Variants in BABAM2 observed in about 807,000 individuals in gnomAD.
BABAM2 encodes BRISC and BRCA1-A complex member 2.
A neutral mutation model predicts 54.7 loss-of-function variants in BABAM2; 31 were observed. The ratio of observed to expected loss-of-function variants is 0.57; its 90% CI spans 0.43 to 0.77. BABAM2 has a LOEUF of 0.77. BABAM2 is among the 30% of genes least tolerant of loss of function. The pLI is 0.00. For missense variants in BABAM2, 364 were observed against 455.8 expected (o/e 0.80, Z 1.83); for synonymous variants, 167 against 162.9 (o/e 1.03, Z -0.19).
chr2:28,284,175 C>G (rs1344038379), intron 10 of BABAM2, among the ~76,000 whole-genome samples: 2 of 152,156 alleles, frequency 1.3e-5, no homozygotes, highest in Non-Finnish European at 2.9e-5. Flanking sequence ...AGGCAGCAAT[C>G]ATACCTTTAT....
intron 2 of BABAM2, among the ~76,000 whole-genome samples, chr2:27,910,933 C>T (rs544344726): frequency 1.2e-4 from 19 of 152,208 alleles, no homozygotes; most frequent in Admixed American, 2.0e-4. Flanking sequence ...GGGAGGGACC[C>T]GGTGGAAGGT....
At chr2:28,062,600 G>A (rs1339103354) in intron 6 of BABAM2, among the ~76,000 whole-genome samples, 3 of 151,394 alleles carry the variant, frequency 2.0e-5, no homozygotes, top group Non-Finnish European at 2.9e-5. Flanking sequence ...CATATTTCCA[G>A]GATTGTTACC....
chr2:28,036,865 G>A (rs1442705662), intron 5 of BABAM2, among the ~76,000 whole-genome samples: 3 of 152,090 alleles, frequency 2.0e-5, no homozygotes, highest in Admixed American at 6.6e-5. Context: ...TTACCATGTC[G>A]TACTATTTTG....
chr2:28,327,852 G>C (rs1690610737), intron 11 of BABAM2, among the ~76,000 whole-genome samples: 1 of 152,158 alleles, frequency 6.6e-6, no homozygotes, highest in Non-Finnish European at 1.5e-5. Context: ...TGCAAGCTTA[G>C]ACCCCCTGAA....
intron 7 of BABAM2, among the ~76,000 whole-genome samples, chr2:28,132,704 A>G (rs761373219): frequency 1.3e-4 from 20 of 152,128 alleles, no homozygotes; most frequent in Non-Finnish European, 2.6e-4. Flanking sequence ...TTCCCTGAGG[A>G]CAATTAGTCT....
At chr2:28,332,774 G>T (rs763795494) in intron 11 of BABAM2, among the ~76,000 whole-genome samples, 4 of 152,184 alleles carry the variant, frequency 2.6e-5, no homozygotes, top group African/African-American at 9.7e-5. Context: ...CAGAAGACAC[G>T]CAAGGGCTGG....
intron 2 of BABAM2, among the ~76,000 whole-genome samples, chr2:27,929,337 TG>T (rs769377934): frequency 7.9e-5 from 12 of 152,322 alleles, no homozygotes; most frequent in Admixed American, 2.0e-4. Context: ...ATGAAAGTTA[TG>T]GTGTGCCAAA....
intron 6 of BABAM2, among the ~76,000 whole-genome samples, chr2:28,112,151 C>CTTTCTT (rs1261759583): frequency 0.099 from 1,930 of 19,504 alleles, 577 homozygotes; most frequent in African/African-American, 0.14. Flanking sequence ...CTTTCTTTAC[C>CTTTCTT]TCCCTCCCTC....
chr2:27,973,998 GAAAT>G (rs1450154450), intron 3 of BABAM2, among the ~76,000 whole-genome samples: 1 of 152,052 alleles, frequency 6.6e-6, no homozygotes, highest in African/African-American at 2.4e-5. Context: ...CACTCAGAAA[GAAAT>G]AGATTATCTG....
At chr2:28,201,618 T>C (rs1432315385) in intron 7 of BABAM2, among the ~76,000 whole-genome samples, 2 of 152,070 alleles carry the variant, frequency 1.3e-5, no homozygotes, top group African/African-American at 4.8e-5. Context: ...TTCTGTTGTG[T>C]TTAGGTGGCT....
At chr2:28,214,964 G>A (rs1361021723) in intron 7 of BABAM2, among the ~76,000 whole-genome samples, 2 of 152,038 alleles carry the variant, frequency 1.3e-5, no homozygotes. Context: ...AGCAATTTGG[G>A]ATATGAATTC....
At chr2:28,125,541 C>T in intron 6 of BABAM2, among the ~76,000 whole-genome samples, 1 of 152,156 alleles carries the variant, frequency 6.6e-6, no homozygotes, top group Non-Finnish European at 1.5e-5. Flanking sequence ...AATCCACCCA[C>T]CTCGGCCTCC....
chr2:28,223,236 T>C (rs191455316), intron 7 of BABAM2, among the ~76,000 whole-genome samples: 8 of 152,352 alleles, frequency 5.3e-5, no homozygotes, highest in Admixed American at 2.0e-4. Flanking sequence ...ACCACACTTA[T>C]AGCCTCCTCA....
At chr2:28,129,414 A>G (rs374393137) in intron 7 of BABAM2, 34 bp downstream of exon 7, 5 of 1,526,972 alleles carry the variant, frequency 3.3e-6, no homozygotes, top group African/African-American at 1.4e-5. Flanking sequence ...GCCTGGTGCT[A>G]CTTCTTGCTA....
rs183521283 is a variant in BABAM2 at position 28,035,667 on chromosome 2, T to C, written c.496-10058T>C. On this transcript the variant is annotated intron_variant, in intron 5 of 11. Transcript: ENST00000379624. ...ATGACAGTGTCTCCCTTTTTAATTGTCTTTGTAATGGAATTTGTTGTACTG... is the reference window on the plus strand; with the variant it reads ...ATGACAGTGTCTCCCTTTTTAATTGCCTTTGTAATGGAATTTGTTGTACTG... 1.5e-3 allele frequency among the ~76,000 whole-genome samples: 230 copies of C among 152,280 alleles called. 2 individuals carry two copies. The highest frequency in any genetic ancestry group is 4.9e-3 in the African/African-American group (204 of 41,576).
At chr2:27,994,122 A>AAGCT (rs1470960261) in intron 4 of BABAM2, among the ~76,000 whole-genome samples, 2 of 152,166 alleles carry the variant, frequency 1.3e-5, no homozygotes, top group African/African-American at 4.8e-5. Context: ...CTTAGCCCTG[A>AAGCT]AGCTGAACAT....
chr2:28,321,368 C>T (rs1039002444), intron 11 of BABAM2, among the ~76,000 whole-genome samples: 1 of 152,162 alleles, frequency 6.6e-6, no homozygotes, highest in African/African-American at 2.4e-5. Flanking sequence ...ATGATTGCCA[C>T]GTGTTCCTCT....
intron 3 of BABAM2, among the ~76,000 whole-genome samples, chr2:27,968,089 C>T (rs1055921850): frequency 3.3e-5 from 5 of 152,220 alleles, no homozygotes; most frequent in Non-Finnish European, 5.9e-5. Flanking sequence ...GAATGTTGAT[C>T]CTCAAGACAG....
At chr2:28,292,852 G>C (rs376353232) in intron 10 of BABAM2, among the ~76,000 whole-genome samples, 1 of 152,320 alleles carries the variant, frequency 6.6e-6, no homozygotes, top group Admixed American at 6.5e-5. Flanking sequence ...AGACTCTGGG[G>C]TGAGAAGAAG....
Sources: allele counts gnomAD v4.1 joint callset (sites outside exome capture counted in the v4.1 genomes callset), GRCh38; gene constraint gnomAD v4.1.1; transcripts MANE v1.5; gene names NCBI Gene and HGNC (gene_info 2026-07-23, HGNC 2026-07-21).